MRTFB: variants seen among roughly 807,000 people sequenced by gnomAD.
MRTFB encodes myocardin-related transcription factor B.
MRTFB carries 29 observed loss-of-function variants against 104.2 expected under a neutral mutation model. That is an observed-to-expected ratio of 0.28 (90% CI 0.21 to 0.38). MRTFB has a LOEUF of 0.38. MRTFB is among the 10% of genes least tolerant of loss of function. The pLI is 1.00. For synonymous variants in MRTFB, 535 were observed against 519.5 expected (o/e 1.03, Z -0.41); for missense variants, 1,270 against 1,341.6 (o/e 0.95, Z 0.83).
chr16:14,187,767 T>C (rs1157835101), intron 3 of MRTFB, among the ~76,000 whole-genome samples: 1 of 152,212 alleles, frequency 6.6e-6, no homozygotes, highest in Non-Finnish European at 1.5e-5. Flanking sequence ...CTGTAGCCAG[T>C]GTTTAAGAAA....
At chr16:14,024,345 T>C in the MRTFB span, among the ~76,000 whole-genome samples, 1 of 152,206 alleles carries the variant, frequency 6.6e-6, no homozygotes, top group Non-Finnish European at 1.5e-5. Flanking sequence ...AAAGCTAATG[T>C]CTCCTTTGGA....
the MRTFB span, among the ~76,000 whole-genome samples, chr16:14,012,099 C>A: frequency 6.6e-6 from 1 of 152,018 alleles, no homozygotes; most frequent in African/African-American, 2.4e-5. Context: ...TGCAGGCAGC[C>A]TCCAGAGGAA....
chr16:14,232,124 C>G (rs950573894), intron 8 of MRTFB, among the ~76,000 whole-genome samples: 3 of 152,200 alleles, frequency 2.0e-5, no homozygotes, highest in Admixed American at 6.5e-5. Flanking sequence ...CTCTCAGATT[C>G]ATCACACTAT....
chr16:14,224,314 A>G (rs1455146546), intron 8 of MRTFB, among the ~76,000 whole-genome samples: 1 of 152,218 alleles, frequency 6.6e-6, no homozygotes, highest in African/African-American at 2.4e-5. Flanking sequence ...ATCATAGAGT[A>G]TACTTACACA....
chr16:14,092,636 A>C (rs2035147750), intron 2 of MRTFB: 1 of 152,204 alleles, frequency 6.6e-6, no homozygotes, highest in Non-Finnish European at 1.5e-5. Flanking sequence ...TGTGATAGAT[A>C]GGAAAATAAA....
At chr16:14,202,467 G>C (rs1162451878) in intron 3 of MRTFB, among the ~76,000 whole-genome samples, 3 of 152,106 alleles carry the variant, frequency 2.0e-5, no homozygotes, top group Non-Finnish European at 4.4e-5. Flanking sequence ...TGAGTCCCGG[G>C]CTCAGAAGGA....
the MRTFB span, among the ~76,000 whole-genome samples, chr16:14,032,369 C>G: frequency 6.6e-6 from 1 of 152,130 alleles, no homozygotes; most frequent in Non-Finnish European, 1.5e-5. Context: ...ATGCAAGGTG[C>G]TAGGAGAGTG....
chr16:13,996,064 G>A, the MRTFB span, among the ~76,000 whole-genome samples: 24 of 152,260 alleles, frequency 1.6e-4, 1 homozygote, highest in Middle Eastern at 3.4e-3. Context: ...CTGAGGTCCA[G>A]AGTCCGAGAC....
At chr16:14,066,224 C>A in the MRTFB span, among the ~76,000 whole-genome samples, 4 of 150,768 alleles carry the variant, frequency 2.7e-5, no homozygotes, top group Non-Finnish European at 4.4e-5. Context: ...GGAAACCATA[C>A]CTTATTTTTT....
intron 13 of MRTFB, 67 bp downstream of exon 13, chr16:14,249,148 A>G: frequency 1.3e-6 from 2 of 1,553,568 alleles, no homozygotes; most frequent in Non-Finnish European, 1.7e-6. Context: ...TCCATTCAAC[A>G]AGCATCTTTG....
chr16:14,238,456 C>CA (rs1347527171), intron 9 of MRTFB, among the ~76,000 whole-genome samples: 6 of 152,044 alleles, frequency 3.9e-5, no homozygotes, highest in African/African-American at 1.2e-4. Context: ...TTGTAGTTGG[C>CA]ATCCTGGATG....
At chr16:14,087,884 G>A (rs1308677188) in intron 2 of MRTFB, among the ~76,000 whole-genome samples, 8 of 152,130 alleles carry the variant, frequency 5.3e-5, no homozygotes, top group Admixed American at 3.3e-4. Flanking sequence ...TTATTGCACT[G>A]CAAAATATGC....
intron 3 of MRTFB, among the ~76,000 whole-genome samples, chr16:14,203,693 A>G (rs960895716): frequency 2.0e-5 from 3 of 151,064 alleles, no homozygotes; most frequent in Non-Finnish European, 4.4e-5. Context: ...AATCCCAGCT[A>G]CTCAGGAAGC....
At chr16:14,200,908 A>G (rs2040672685) in intron 3 of MRTFB, 2 of 1,450,688 alleles carry the variant, frequency 1.4e-6, no homozygotes, top group African/African-American at 1.4e-5. Context: ...TTTAACCAGC[A>G]TGGCTACTTT....
intron 9 of MRTFB, among the ~76,000 whole-genome samples, chr16:14,238,317 G>A (rs2042612623): frequency 6.6e-6 from 1 of 152,098 alleles, no homozygotes; most frequent in African/African-American, 2.4e-5. Flanking sequence ...TTTGCCAGGT[G>A]TCTATGACAA....
chr16:14,212,957 ATTCAT>A (rs1364058968), intron 5 of MRTFB, among the ~76,000 whole-genome samples: 1 of 152,226 alleles, frequency 6.6e-6, no homozygotes, highest in Non-Finnish European at 1.5e-5. Context: ...ATGAATATTC[ATTCAT>A]TTTGTTTTGG....
chr16:14,101,171 G>T (rs1313544034), intron 2 of MRTFB, among the ~76,000 whole-genome samples: 2 of 145,302 alleles, frequency 1.4e-5, no homozygotes, highest in Non-Finnish European at 1.5e-5. Context: ...TAAGGGTAAA[G>T]TGTAGTTCAT....
chr16:14,140,717 G>A lies in MRTFB; in HGVS notation c.111G>A (p.Leu37=), dbSNP rs202018440. 54 of 1,614,156 alleles carry A rather than the reference G, an allele frequency of 3.3e-5. No individual in the cohort carries two copies. Among genetic ancestry groups the A allele is most frequent in the Middle Eastern group, 3.3e-4 (2 of 6,062 alleles). ...AVAHEFQELS[L]QSSQNLPPLN... Reference sequence around the variant, plus strand: ...CTCATGAATTCCAGGAACTCTCCTTGCAGTCCAGTCAAAACTTACCCCCTC... The same window carrying A: ...CTCATGAATTCCAGGAACTCTCCTTACAGTCCAGTCAAAACTTACCCCCTC... The change falls in exon 3 of 17, where the codon TTG becomes TTA. Residue 37 remains leucine, a synonymous_variant. Coordinates refer to ENST00000571589, the MANE Select transcript of MRTFB (RefSeq NM_001308142.2).
At chr16:14,037,084 TA>T in the MRTFB span, among the ~76,000 whole-genome samples, 1 of 152,176 alleles carries the variant, frequency 6.6e-6, no homozygotes, top group Non-Finnish European at 1.5e-5. Context: ...AACCCATCTG[TA>T]GACCAGATGT....
Sources: allele counts gnomAD v4.1 joint callset (sites outside exome capture counted in the v4.1 genomes callset), GRCh38; gene constraint gnomAD v4.1.1; transcripts MANE v1.5; gene names NCBI Gene and HGNC (gene_info 2026-07-23, HGNC 2026-07-21).